RBM33: variants seen among roughly 807,000 people sequenced by gnomAD.
RBM33 encodes RNA-binding protein 33.
In RBM33, 28 loss-of-function variants were observed where a neutral mutation model predicts 132.6. The ratio of observed to expected loss-of-function variants is 0.21; its 90% CI spans 0.16 to 0.29. The LOEUF (loss-of-function observed/expected upper bound fraction) is 0.29. RBM33 is among the 10% of genes least tolerant of loss of function. The pLI, the probability that RBM33 is intolerant of heterozygous loss-of-function variation, is 1.00. For missense variants in RBM33, 1,291 were observed against 1,518.5 expected (o/e 0.85, Z 2.49); for synonymous variants, 634 against 593.0 (o/e 1.07, Z -1.01).
chr7:155,679,028 C>T, intron 4 of RBM33, among the ~76,000 whole-genome samples: 1 of 152,110 alleles, frequency 6.6e-6, no homozygotes, highest in East Asian at 1.9e-4. Flanking sequence ...AAAAATTAGC[C>T]AGGCGTAGTG....
chr7:155,660,721 G>A (rs909717576), intron 1 of RBM33, among the ~76,000 whole-genome samples: 3 of 152,154 alleles, frequency 2.0e-5, no homozygotes, highest in South Asian at 2.1e-4. Context: ...TTTGTAAATC[G>A]TTGAGTTTAT....
intron 1 of RBM33, among the ~76,000 whole-genome samples, chr7:155,645,986 C>T (rs1349680467): frequency 6.6e-6 from 1 of 152,158 alleles, no homozygotes; most frequent in Non-Finnish European, 1.5e-5. Context: ...ACTTTTCTTT[C>T]AGTTTAAATA....
At position 155,774,148 on chromosome 7, in the gene RBM33, C is replaced by G. The variant is rs1377484221; in HGVS notation, c.3376-411C>G. The stretch of plus-strand genomic sequence containing the variant: ...GTGGGGCCCCCATACTAAACAGTTT[C>G]CTCTGGTGTGATGAGTCCTGTTCTT... On this transcript the variant is annotated intron_variant, in intron 16 of 17. Transcript: ENST00000401878. The surrounding 1 kb of genome is among the most constrained non-coding windows in gnomAD (Gnocchi z 4.2). Among the ~76,000 whole-genome samples, 1 of 152,216 alleles carries G rather than the reference C, an allele frequency of 6.6e-6. No homozygotes were observed. Among genetic ancestry groups the G allele is most frequent in the Non-Finnish European group, 1.5e-5 (1 of 68,032 alleles).
At chr7:155,713,889 A>AGGGG (rs1364646092) in intron 8 of RBM33, among the ~76,000 whole-genome samples, 2 of 152,048 alleles carry the variant, frequency 1.3e-5, no homozygotes, top group Non-Finnish European at 2.9e-5. Flanking sequence ...GGGCTTGCTG[A>AGGGG]GGGGGAGGAG....
intron 9 of RBM33, among the ~76,000 whole-genome samples, chr7:155,733,053 T>G (rs1178750083): frequency 1.3e-5 from 2 of 151,910 alleles, no homozygotes; most frequent in Non-Finnish European, 2.9e-5. Flanking sequence ...TGAAGCAGGG[T>G]CAGGAGGAGG....
chr7:155,739,605 A>C, intron 11 of RBM33, 110 bp from the exon 12 acceptor site: 3 of 1,219,352 alleles, frequency 2.5e-6, no homozygotes, highest in Non-Finnish European at 3.3e-6. Context: ...AAGTTTTGGT[A>C]TCGCTGAAAG....
At chr7:155,739,694 C>T in intron 11 of RBM33, 21 bp from the exon 12 acceptor site, 1 of 1,530,964 alleles carries the variant, frequency 6.5e-7, no homozygotes, top group Non-Finnish European at 8.8e-7. Context: ...ACTGTTGTTT[C>T]TCTTTCTTTG....
intron 3 of RBM33, among the ~76,000 whole-genome samples, chr7:155,673,685 T>TACACACAC (rs1563137804): frequency 7.4e-6 from 1 of 135,370 alleles, no homozygotes; most frequent in African/African-American, 3.1e-5. Flanking sequence ...CGTGTATATA[T>TACACACAC]ATACACACAT....
At chr7:155,694,427 A>G (rs764439371) in intron 5 of RBM33, among the ~76,000 whole-genome samples, 3 of 152,228 alleles carry the variant, frequency 2.0e-5, no homozygotes, top group Non-Finnish European at 1.5e-5. Context: ...TTAAAAACAT[A>G]TTTGCACCAC....
chr7:155,713,394 C>T (rs1800363060), intron 8 of RBM33, among the ~76,000 whole-genome samples: 1 of 151,898 alleles, frequency 6.6e-6, no homozygotes, highest in Non-Finnish European at 1.5e-5. Context: ...AGGACTGGGA[C>T]CTAGGGCACT....
At chr7:155,730,641 T>C (rs1014080801) in intron 9 of RBM33, among the ~76,000 whole-genome samples, 2 of 152,224 alleles carry the variant, frequency 1.3e-5, no homozygotes, top group Non-Finnish European at 2.9e-5. Context: ...TGGGTGCTGC[T>C]TCTCAGCCTG....
chr7:155,728,516 C>T lies in RBM33; in HGVS notation c.1261-9014C>T, dbSNP rs908971297. 7.0e-4 allele frequency among the ~76,000 whole-genome samples: 107 copies of T among 152,136 alleles called. 1 individual carries two copies. Among genetic ancestry groups the T allele is most frequent in the African/African-American group, 2.4e-5 (1 of 41,444 alleles). On this transcript the variant is annotated intron_variant, in intron 9 of 17. Transcript: ENST00000401878. ...GCCTTGTTTACTCACCCTGAGTAAA[C>T]GGTTTCTTTCTAAATCTTAGATAGC... is the stretch of plus-strand genomic sequence containing the variant.
chr7:155,746,890 ACTTATCT>A (rs2117039689), intron 14 of RBM33, among the ~76,000 whole-genome samples: 1 of 152,296 alleles, frequency 6.6e-6, no homozygotes, highest in African/African-American at 2.4e-5. Flanking sequence ...AAAGAAAATA[ACTTATCT>A]CTTTTAGTCC....
At position 155,779,096 on chromosome 7, in the gene RBM33, T is replaced by G. The variant is rs1181835816; in HGVS notation, c.*4055T>G. 2.0e-5 allele frequency: 3 copies of G among 152,158 alleles called. No individual in the cohort carries two copies. The highest frequency in any genetic ancestry group is 4.4e-5 in the Non-Finnish European group (3 of 68,060). 9.4% of individuals were successfully genotyped at this position (152,158 alleles called of 1,614,324 possible). ...GGTGCTCTTCCTGGGATTCGTTTTT[T>G]TATTACCCTCCCTCCCTACTTGTAG... On this transcript the variant is annotated 3_prime_UTR_variant, in exon 18 of 18. Transcript: ENST00000401878.
Position 155,651,066 on chromosome 7 carries a change from C to T in RBM33, c.43+6147C>T, listed in dbSNP as rs557567470. ...CTGATTTTTGTATTTTTAGTAGAGA[C>T]GGGGTTTTGCCACGTTGGCCAGGCT... is the stretch of plus-strand genomic sequence containing the variant. On this transcript the variant is annotated intron_variant, in intron 1 of 17. Transcript: ENST00000401878. Among the ~76,000 whole-genome samples the T allele has an allele frequency of 1.1e-4, 17 of 152,120 alleles. No individual in the cohort carries two copies. The East Asian group carries it at 2.3e-3, about 21-fold the overall frequency.
intron 1 of RBM33, among the ~76,000 whole-genome samples, chr7:155,662,920 A>G (rs1798693968): frequency 6.6e-6 from 1 of 152,160 alleles, no homozygotes; most frequent in Non-Finnish European, 1.5e-5. Flanking sequence ...TCTTAGCATT[A>G]CTGAGTTTCA....
intron 1 of RBM33, among the ~76,000 whole-genome samples, chr7:155,649,164 A>C (rs1404796547): frequency 3.3e-5 from 5 of 152,008 alleles, no homozygotes; most frequent in Non-Finnish European, 5.9e-5. Flanking sequence ...CCGTTTTTTA[A>C]GGCTCTGCTT....
At chr7:155,728,204 G>C (rs1800847911) in intron 9 of RBM33, among the ~76,000 whole-genome samples, 1 of 152,102 alleles carries the variant, frequency 6.6e-6, no homozygotes, top group African/African-American at 2.4e-5. Flanking sequence ...TGTCATTTTG[G>C]AAAATGCGCC....
chr7:155,700,485 A>G (rs1482308248), intron 5 of RBM33, among the ~76,000 whole-genome samples: 2 of 149,848 alleles, frequency 1.3e-5, no homozygotes, highest in African/African-American at 4.9e-5. Context: ...GTTTATTTTC[A>G]GACGTGTAAG....
Sources: allele counts gnomAD v4.1 joint callset (sites outside exome capture counted in the v4.1 genomes callset), GRCh38; gene constraint gnomAD v4.1.1; non-coding constraint Gnocchi (gnomAD v3.1); transcripts MANE v1.5; gene names NCBI Gene and HGNC (gene_info 2026-07-23, HGNC 2026-07-21).